Variants in ABCB4 observed in about 807,000 individuals in gnomAD.
ABCB4 encodes ATP binding cassette subfamily B member 4, also known as phosphatidylcholine translocator ABCB4.
ABCB4 carries 76 observed loss-of-function variants against 145.7 expected under a neutral mutation model. The observed-to-expected ratio is 0.52, with a 90% CI of 0.43 to 0.63. The LOEUF (loss-of-function observed/expected upper bound fraction) is 0.63, where lower values mean the gene tolerates loss of function less well. ABCB4 is among the 30% of genes least tolerant of loss of function. The probability of loss-of-function intolerance (pLI) is 0.00; values close to 1 mark genes in which losing one functional copy is unlikely to be tolerated. For missense variants in ABCB4, 1,234 were observed against 1,553.1 expected, an observed-to-expected ratio of 0.79 and a Z score of 3.45; for synonymous variants, 517 against 566.8, an observed-to-expected ratio of 0.91 and a Z score of 1.25.
chr7:87,450,244 G>T, intron 7 of ABCB4, 152 bp from the exon 8 acceptor site: 2 of 1,104,524 alleles, frequency 1.8e-6, no homozygotes, highest in Non-Finnish European at 1.3e-6. Context: ...GGATCCAATG[G>T]CTGCGTCCAC....
Position 87,439,712 on chromosome 7 carries a change from T to C in ABCB4, c.1686A>G (p.Ala562=), listed in dbSNP as rs1810843325. The C allele has an allele frequency of 6.2e-7, 1 of 1,614,176 alleles. No individual in the cohort carries two copies. The highest frequency in any genetic ancestry group is 8.5e-7 in the Non-Finnish European group (1 of 1,180,026). ...KILLLDEATS[A]LDTESEAEVQ... Reference sequence around the variant, plus strand: ...CCTCAGCTTCACTTTCTGTGTCCAATGCTGACGTGGCCTCATCCAGCAGAA... The same window carrying C: ...CCTCAGCTTCACTTTCTGTGTCCAACGCTGACGTGGCCTCATCCAGCAGAA... The change falls in exon 14 of 28, where the codon GCA becomes GCG. Residue 562 remains alanine, a synonymous_variant. Coordinates refer to ENST00000649586, the MANE Select transcript of ABCB4 (RefSeq NM_000443.4).
chr7:87,429,772 A>C (rs1294511093), intron 15 of ABCB4, among the ~76,000 whole-genome samples: 1 of 152,106 alleles, frequency 6.6e-6, no homozygotes, highest in Admixed American at 6.5e-5. Context: ...GATTCCCTCC[A>C]CTGTAGAACA....
At chr7:87,382,438 A>T in the ABCB4 span, 1 of 1,613,762 alleles carries the variant, frequency 6.2e-7, no homozygotes, top group Non-Finnish European at 8.5e-7. Flanking sequence ...ATTGCGGCTT[A>T]TGCCTTTACA....
At chr7:87,454,405 G>C in intron 5 of ABCB4, 130 bp downstream of exon 5, 1 of 729,612 alleles carries the variant, frequency 1.4e-6, no homozygotes. Flanking sequence ...ATTGGGATTT[G>C]GGAGCAAAAA....
chr7:87,434,095 ATTTTTTTTT>A (rs756063095), intron 14 of ABCB4, among the ~76,000 whole-genome samples: 4 of 118,066 alleles, frequency 3.4e-5, no homozygotes, highest in African/African-American at 3.2e-5. Flanking sequence ...CACCTGGCTA[ATTTTTTTTT>A]TTTTTTTTTT....
chr7:87,386,899 C>T, the ABCB4 span, among the ~76,000 whole-genome samples: 3 of 152,116 alleles, frequency 2.0e-5, no homozygotes, highest in African/African-American at 7.2e-5. Flanking sequence ...AAAGATGCTT[C>T]CCTTAGGTTG....
chr7:87,403,329 CAG>C (rs1562946722), intron 26 of ABCB4, 48 bp from the exon 27 acceptor site: 1 of 1,526,822 alleles, frequency 6.5e-7, no homozygotes, highest in Non-Finnish European at 9.1e-7. Flanking sequence ...TGTTGCTTAA[CAG>C]TTGACAGTTC....
Position 87,431,584 on chromosome 7 carries a change from G to A in ABCB4, c.1732-19C>T. 6.2e-7 allele frequency: 1 copy of A among 1,613,896 alleles called. No homozygotes were observed. Among genetic ancestry groups the A allele is most frequent in the Non-Finnish European group, 8.5e-7 (1 of 1,179,866 alleles). ...CTCTGGCCTAAAAGAACAAAAATGTGGTGCATCAGGGTTACAGTATTGGCA... is the reference window on the plus strand; with the variant it reads ...CTCTGGCCTAAAAGAACAAAAATGTAGTGCATCAGGGTTACAGTATTGGCA... On this transcript the variant is annotated intron_variant, in intron 14 of 27. Coordinates refer to ENST00000649586, the MANE Select transcript of ABCB4 (RefSeq NM_000443.4).
chr7:87,428,117 T>A (rs1233630299), intron 15 of ABCB4, among the ~76,000 whole-genome samples: 1 of 152,198 alleles, frequency 6.6e-6, no homozygotes, highest in Non-Finnish European at 1.5e-5. Flanking sequence ...TTTCCTCTTT[T>A]GGTAATCTCA....
chr7:87,440,781 G>A (rs891743475), intron 12 of ABCB4, among the ~76,000 whole-genome samples: 6 of 151,700 alleles, frequency 4.0e-5, no homozygotes, highest in African/African-American at 7.3e-5. Flanking sequence ...TCGCTCTGTC[G>A]CCCAGGCTGG....
chr7:87,433,494 T>A (rs1285440392), intron 14 of ABCB4, among the ~76,000 whole-genome samples: 4 of 152,112 alleles, frequency 2.6e-5, no homozygotes, highest in South Asian at 2.1e-4. Context: ...ATCATGATGA[T>A]GATAATAGGT....
intron 18 of ABCB4, among the ~76,000 whole-genome samples, 156 bp downstream of exon 18, chr7:87,421,965 T>C (rs1357943135): frequency 6.6e-6 from 1 of 152,188 alleles, no homozygotes; most frequent in Non-Finnish European, 1.5e-5. Flanking sequence ...GAAGTCACAC[T>C]TCCCCCTGAT....
intron 16 of ABCB4, among the ~76,000 whole-genome samples, 199 bp from the exon 17 acceptor site, chr7:87,424,251 T>C (rs1158577490): frequency 1.3e-5 from 2 of 152,176 alleles, no homozygotes; most frequent in Non-Finnish European, 2.9e-5. Flanking sequence ...AAGCTGAGTA[T>C]GGGTTGTTCG....
the ABCB4 span, among the ~76,000 whole-genome samples, chr7:87,384,357 C>A: frequency 4.5e-4 from 68 of 152,168 alleles, no homozygotes; most frequent in Non-Finnish European, 8.4e-4. Flanking sequence ...CATAGCGAAA[C>A]CCTGTCTCTA....
chr7:87,375,301 C>A, the ABCB4 span: 3 of 200,378 alleles, frequency 1.5e-5, no homozygotes, highest in Admixed American at 1.6e-4. Context: ...TTCAAGTTCT[C>A]CATTGTAAGG....
chr7:87,444,370 T>A (rs886498548), intron 10 of ABCB4, among the ~76,000 whole-genome samples: 2 of 152,210 alleles, frequency 1.3e-5, no homozygotes, highest in African/African-American at 4.8e-5. Flanking sequence ...CTTTTTTACG[T>A]CAAAACTTTT....
At chr7:87,393,531 T>C in the ABCB4 span, among the ~76,000 whole-genome samples, 1 of 152,300 alleles carries the variant, frequency 6.6e-6, no homozygotes, top group East Asian at 1.9e-4. Flanking sequence ...GTTTGACTTA[T>C]GTTTATGGAA....
At chr7:87,418,811 T>C (rs933655291) in intron 19 of ABCB4, among the ~76,000 whole-genome samples, 191 bp from the exon 20 acceptor site, 1 of 152,100 alleles carries the variant, frequency 6.6e-6, no homozygotes, top group Non-Finnish European at 1.5e-5. Flanking sequence ...TGCTCTGTGG[T>C]AGCAGGGAGG....
Position 87,402,122 on chromosome 7 carries a change from C to T in ABCB4, c.3814G>A (p.Val1272Ile), listed in dbSNP as rs775487660. The change falls in exon 28 of 28, where the codon GTC (valine) becomes ATC (isoleucine). Residue 1272 changes from valine to isoleucine, a missense_variant. This residue lies in a region of ABCB4 where 58 missense variants were observed against 75.9 expected (regional missense o/e 0.76). Coordinates refer to ENST00000649586, the MANE Select transcript of ABCB4 (RefSeq NM_000443.4). ...QKGIYFSMVS[V>I]QAGTQNL ...CATAAGTTCTGTGTCCCAGCCTGGA[C>T]ACTGACCATTGAAAAATAGATGCCT... is the stretch of plus-strand genomic sequence containing the variant. 1.2e-6 allele frequency: 2 copies of T among 1,614,082 alleles called. No individual in the cohort carries two copies. Among genetic ancestry groups the T allele is most frequent in the South Asian group, 2.2e-5 (2 of 91,078 alleles).
Sources: gnomAD v4.1 joint callset for allele counts (sites outside exome capture counted in the v4.1 genomes callset) on GRCh38, gnomAD v4.1.1 for gene constraint, gnomAD v4.1.1 regional missense constraint, MANE v1.5 for transcripts, NCBI Gene and HGNC (gene_info 2026-07-23, HGNC 2026-07-21) for gene names.